The following HIVEP1 variants were observed in gnomAD, a reference collection of about 807,000 sequenced individuals.
The protein encoded by HIVEP1 is HIVEP zinc finger 1.
Under a neutral mutation model 180.0 loss-of-function variants are expected in HIVEP1, and 36 were observed. The ratio of observed to expected loss-of-function variants is 0.20; its 90% CI spans 0.15 to 0.26. The LOEUF (loss-of-function observed/expected upper bound fraction) is 0.26. Ranked by LOEUF, HIVEP1 falls within the 10% of genes least tolerant of loss-of-function variation. The pLI is 1.00. For missense variants in HIVEP1, 3,143 were observed against 3,268.7 expected (o/e 0.96, Z 0.94); for synonymous variants, 1,239 against 1,239.0 (o/e 1.00, Z 0.00).
At chr6:12,093,654 A>G (rs1359572569) in intron 3 of HIVEP1, among the ~76,000 whole-genome samples, 2 of 151,698 alleles carry the variant, frequency 1.3e-5, no homozygotes, top group Non-Finnish European at 2.9e-5. Context: ...AACATTTAGT[A>G]TGTTTTCCTT....
chr6:12,018,800 T>C (rs570809061), intron 2 of HIVEP1, among the ~76,000 whole-genome samples: 55 of 152,322 alleles, frequency 3.6e-4, no homozygotes, highest in Non-Finnish European at 7.5e-4. Flanking sequence ...AATGGTTCTC[T>C]ACTTCTAGAG....
intron 7 of HIVEP1, among the ~76,000 whole-genome samples, chr6:12,157,924 A>G (rs1760157576): frequency 1.3e-5 from 2 of 152,148 alleles, no homozygotes; most frequent in South Asian, 2.1e-4. Flanking sequence ...AGTTTTCTTG[A>G]TATTGTTACC....
intron 2 of HIVEP1, among the ~76,000 whole-genome samples, chr6:12,053,594 C>T (rs1408565335): frequency 2.0e-5 from 3 of 152,012 alleles, no homozygotes; most frequent in South Asian, 2.1e-4. Flanking sequence ...GTTCTGAGTC[C>T]ATAGCCCTAG....
the HIVEP1 span, among the ~76,000 whole-genome samples, chr6:12,176,445 T>G: frequency 1.3e-5 from 2 of 152,106 alleles, no homozygotes; most frequent in Admixed American, 1.3e-4. Flanking sequence ...TTGGCCAGGC[T>G]GATCTCTAAC....
chr6:12,094,574 G>T (rs1443971451), intron 3 of HIVEP1, among the ~76,000 whole-genome samples: 1 of 151,892 alleles, frequency 6.6e-6, no homozygotes, highest in Non-Finnish European at 1.5e-5. Flanking sequence ...TCTATGTAAA[G>T]ATGATCTTAC....
chr6:12,155,419 C>T (rs1317402693), intron 7 of HIVEP1, among the ~76,000 whole-genome samples: 1 of 151,860 alleles, frequency 6.6e-6, no homozygotes, highest in Non-Finnish European at 1.5e-5. Context: ...TATCACCCCC[C>T]AACAGACAGG....
chr6:12,170,605 G>A, the HIVEP1 span, among the ~76,000 whole-genome samples: 2 of 152,174 alleles, frequency 1.3e-5, no homozygotes, highest in Non-Finnish European at 2.9e-5. Context: ...AGTAGGGAAC[G>A]TGAAAGGGCA....
At chr6:12,019,503 G>A (rs1768049955) in intron 2 of HIVEP1, among the ~76,000 whole-genome samples, 1 of 152,192 alleles carries the variant, frequency 6.6e-6, no homozygotes, top group Non-Finnish European at 1.5e-5. Flanking sequence ...GATGAGATAA[G>A]AAATGCGGGG....
At position 12,164,126 on chromosome 6, in the gene HIVEP1, C is replaced by T. The variant is rs542666299; in HGVS notation, c.7822C>T (p.Arg2608Trp). The T allele has an allele frequency of 4.3e-5, 69 of 1,613,994 alleles. No individual in the cohort carries two copies. The highest frequency in any genetic ancestry group is 1.6e-4 in the Middle Eastern group (1 of 6,084). The change falls in exon 9 of 9, where the codon CGG becomes TGG. Residue 2608 changes from arginine to tryptophan, a missense_variant. Transcript: ENST00000379388. ...TCCTCAGGGGTTACCTACAGTCCAGCGGGAAAATGCAAAAAAAGTTCTGAA... is the reference window on the plus strand; with the variant it reads ...TCCTCAGGGGTTACCTACAGTCCAGTGGGAAAATGCAAAAAAAGTTCTGAA... ...ESPQGLPTVQ[R>W]ENAKKVLNPP...
At chr6:12,044,932 T>G (rs1770029826) in intron 2 of HIVEP1, among the ~76,000 whole-genome samples, 1 of 152,190 alleles carries the variant, frequency 6.6e-6, no homozygotes, top group Non-Finnish European at 1.5e-5. Context: ...GTGTAGACAT[T>G]TTGGAGCCTC....
intron 6 of HIVEP1, 129 bp from the exon 7 acceptor site, chr6:12,135,662 T>C (rs1267629530): frequency 1.6e-6 from 1 of 609,472 alleles, no homozygotes; most frequent in East Asian, 2.8e-5. Flanking sequence ...TTTGTTCACA[T>C]TTTAGTCATT....
chr6:12,203,291 G>T, the HIVEP1 span, among the ~76,000 whole-genome samples: 1 of 152,206 alleles, frequency 6.6e-6, no homozygotes, highest in Non-Finnish European at 1.5e-5. Context: ...ATGCTGATAA[G>T]GACATTCCAC....
At chr6:12,204,871 T>G in the HIVEP1 span, among the ~76,000 whole-genome samples, 1 of 152,134 alleles carries the variant, frequency 6.6e-6, no homozygotes, top group Admixed American at 6.5e-5. Context: ...AATAAACATG[T>G]ATGACATCAG....
chr6:12,150,902 A>G (rs1281566348), intron 7 of HIVEP1, among the ~76,000 whole-genome samples: 1 of 152,216 alleles, frequency 6.6e-6, no homozygotes, highest in Non-Finnish European at 1.5e-5. Flanking sequence ...AAAAACAGGC[A>G]AACTTCAACA....
upstream of HIVEP1, chr6:12,008,752 C>G (rs1053107734): frequency 1.3e-5 from 2 of 152,198 alleles, no homozygotes; most frequent in African/African-American, 4.8e-5. Context: ...TGAAGCGCCT[C>G]CCTCTAGCAT....
chr6:12,093,324 A>C (rs956694361), intron 3 of HIVEP1, among the ~76,000 whole-genome samples: 1 of 151,608 alleles, frequency 6.6e-6, no homozygotes, highest in Non-Finnish European at 1.5e-5. Context: ...TTTTTACTTC[A>C]TTTAAAGTGC....
chr6:12,134,643 A>G (rs922830694), intron 6 of HIVEP1, among the ~76,000 whole-genome samples: 8 of 152,196 alleles, frequency 5.3e-5, no homozygotes, highest in Non-Finnish European at 1.0e-4. Flanking sequence ...TTGTTTCTCA[A>G]AAAAGATGAC....
intron 2 of HIVEP1, among the ~76,000 whole-genome samples, chr6:12,027,527 A>G (rs930210851): frequency 3.9e-5 from 6 of 152,226 alleles, no homozygotes; most frequent in African/African-American, 1.2e-4. Context: ...TCCTTTTTTA[A>G]ATTGTACTGT....
chr6:12,158,043 A>G (rs1371679034), intron 7 of HIVEP1, among the ~76,000 whole-genome samples: 1 of 152,188 alleles, frequency 6.6e-6, no homozygotes, highest in African/African-American at 2.4e-5. Flanking sequence ...CCTTCAAAAT[A>G]TGAACCATAG....
Sources: allele counts gnomAD v4.1 joint callset (sites outside exome capture counted in the v4.1 genomes callset), GRCh38; gene constraint gnomAD v4.1.1; transcripts MANE v1.5; gene names NCBI Gene and HGNC (gene_info 2026-07-23, HGNC 2026-07-21).